ANO3: variants seen among roughly 807,000 people sequenced by gnomAD.
ANO3 encodes the protein anoctamin-3.
ANO3 carries 99 observed loss-of-function variants against 144.8 expected under a neutral mutation model. The observed-to-expected ratio is 0.68, with a 90% CI of 0.58 to 0.81. The LOEUF is 0.81. Ranked by LOEUF, ANO3 falls within the 30% of genes least tolerant of loss-of-function variation. The pLI is 0.00. For missense variants in ANO3, 905 were observed against 1,202.2 expected (o/e 0.75, Z 3.66); for synonymous variants, 414 against 392.6 (o/e 1.05, Z -0.64).
intron 1 of ANO3, among the ~76,000 whole-genome samples, chr11:26,383,155 G>C (rs1024137544): frequency 1.3e-5 from 2 of 151,942 alleles, no homozygotes; most frequent in Admixed American, 6.6e-5. Flanking sequence ...AAATGAGGTA[G>C]GAATTTTTAA....
intron 4 of ANO3, among the ~76,000 whole-genome samples, chr11:26,472,481 A>G (rs951092080): frequency 6.6e-6 from 1 of 151,880 alleles, no homozygotes; most frequent in African/African-American, 2.4e-5. Flanking sequence ...CACAGCTGGT[A>G]AGGAGGAGGC....
chr11:26,336,753 C>T (rs1855205334), intron 1 of ANO3, among the ~76,000 whole-genome samples: 1 of 149,006 alleles, frequency 6.7e-6, no homozygotes, highest in African/African-American at 2.5e-5. Flanking sequence ...GAAAAAAAAA[C>T]TGGAGCCATT....
chr11:26,429,462 C>CAAAA (rs10668197), intron 1 of ANO3, among the ~76,000 whole-genome samples: 4,613 of 142,406 alleles, frequency 0.032, 108 homozygotes, highest in Non-Finnish European at 0.042. Context: ...TCCAAAAGTT[C>CAAAA]AAAAAAAAAA....
intron 4 of ANO3, among the ~76,000 whole-genome samples, chr11:26,482,424 ATATG>A (rs1306700426): frequency 2.9e-3 from 323 of 109,806 alleles, no homozygotes; most frequent in Admixed American, 3.0e-3. Flanking sequence ...GAACACAGAT[ATATG>A]TGTGTGTGTG....
chr11:26,263,507 TC>T (rs1351569274), intron 1 of ANO3, among the ~76,000 whole-genome samples: 2 of 152,224 alleles, frequency 1.3e-5, no homozygotes, highest in Non-Finnish European at 2.9e-5. Context: ...CCAGTGTTAT[TC>T]ATCTCTGGGT....
intron 24 of ANO3, among the ~76,000 whole-genome samples, chr11:26,652,969 T>C (rs1476119394): frequency 6.6e-6 from 1 of 152,206 alleles, no homozygotes; most frequent in East Asian, 1.9e-4. Flanking sequence ...TAATTTCTGT[T>C]TTCCTGCTAC....
chr11:26,499,781 A>G (rs1861117294), intron 4 of ANO3, among the ~76,000 whole-genome samples: 1 of 151,908 alleles, frequency 6.6e-6, no homozygotes, highest in South Asian at 2.1e-4. Context: ...TGCATTTGTA[A>G]TTACGTTTAG....
chr11:26,254,730 A>C (rs146894978), intron 1 of ANO3, among the ~76,000 whole-genome samples: 6 of 152,294 alleles, frequency 3.9e-5, no homozygotes, highest in African/African-American at 1.4e-4. Context: ...ATAAACTGTA[A>C]TAAAAACCAT....
intron 3 of ANO3, among the ~76,000 whole-genome samples, chr11:26,453,558 AG>A (rs1381918719): frequency 2.0e-5 from 3 of 152,148 alleles, no homozygotes; most frequent in African/African-American, 7.2e-5. Context: ...CACCCAATAC[AG>A]GAGCACCCAG....
intron 1 of ANO3, among the ~76,000 whole-genome samples, chr11:26,369,823 A>T (rs1261634666): frequency 6.6e-6 from 1 of 152,142 alleles, no homozygotes; most frequent in East Asian, 1.9e-4. Context: ...GTTTGGTGTA[A>T]CACTGAATCA....
In ANO3 at chr11:26,385,903, T is replaced by TA. The variant is rs58078292; in HGVS notation, c.46+53582_46+53583insA. 1.1e-3 allele frequency among the ~76,000 whole-genome samples: 157 copies of TA among 148,868 alleles called. 1 individual carries two copies. Among genetic ancestry groups the TA allele is most frequent in the South Asian group, 7.2e-3 (34 of 4,744 alleles). On this transcript the variant is annotated intron_variant, in intron 1 of 26. Transcript: ENST00000256737. ...AAGTTCTTTGTGTGTGTATATATATTTATATACATATTTACATGTATAAGC... is the reference window on the plus strand; with the variant it reads ...AAGTTCTTTGTGTGTGTATATATATTATATATACATATTTACATGTATAAGC...
chr11:26,406,973 TA>T (rs1216658588), intron 1 of ANO3, among the ~76,000 whole-genome samples: 2 of 137,222 alleles, frequency 1.5e-5, no homozygotes, highest in African/African-American at 5.5e-5. Context: ...TACACACACG[TA>T]TATATATATA....
intron 4 of ANO3, among the ~76,000 whole-genome samples, chr11:26,471,207 CTT>C (rs1290016277): frequency 2.0e-5 from 3 of 151,918 alleles, no homozygotes; most frequent in Non-Finnish European, 4.4e-5. Flanking sequence ...TGGTGTGTCT[CTT>C]TAACTGTAGA....
intron 1 of ANO3, among the ~76,000 whole-genome samples, chr11:26,333,269 T>C (rs1336886204): frequency 4.1e-5 from 6 of 144,604 alleles, no homozygotes; most frequent in Admixed American, 2.3e-4. Context: ...CAGTTGTTTT[T>C]ATGTAGCTCT....
chr11:26,624,545 T>C, intron 18 of ANO3, 47 bp downstream of exon 18: 1 of 1,351,892 alleles, frequency 7.4e-7, no homozygotes, highest in Non-Finnish European at 1.1e-6. Flanking sequence ...AAATAACATA[T>C]GGGCATTTCA....
intron 1 of ANO3, among the ~76,000 whole-genome samples, chr11:26,421,524 A>G (rs1257458272): frequency 1.3e-5 from 2 of 152,072 alleles, no homozygotes; most frequent in African/African-American, 2.4e-5. Context: ...CCCCACAGGC[A>G]GACAAATATA....
chr11:26,419,045 T>A (rs1857676654), intron 1 of ANO3, among the ~76,000 whole-genome samples: 1 of 152,252 alleles, frequency 6.6e-6, no homozygotes, highest in East Asian at 1.9e-4. Flanking sequence ...TTCTGCAGGC[T>A]GTACAGAAAG....
At chr11:26,592,573 C>A (rs1851485149) in intron 14 of ANO3, among the ~76,000 whole-genome samples, 1 of 149,490 alleles carries the variant, frequency 6.7e-6, no homozygotes, top group South Asian at 2.2e-4. Context: ...GAGATTTGGG[C>A]ATGTGGGTAA....
chr11:26,409,335 A>G (rs1044861581), intron 1 of ANO3, among the ~76,000 whole-genome samples: 4 of 151,936 alleles, frequency 2.6e-5, no homozygotes. Flanking sequence ...AAACATAGAC[A>G]TATTAGAATA....
Sources: allele counts gnomAD v4.1 joint callset (sites outside exome capture counted in the v4.1 genomes callset), GRCh38; gene constraint gnomAD v4.1.1; transcripts MANE v1.5; gene names NCBI Gene and HGNC (gene_info 2026-07-23, HGNC 2026-07-21).